Variants in TMTC2 observed in about 807,000 individuals in gnomAD.
TMTC2 encodes the protein protein O-mannosyl-transferase TMTC2.
In TMTC2, 43 loss-of-function variants were observed where a neutral mutation model predicts 82.4. The ratio of observed to expected loss-of-function variants is 0.52; its 90% CI spans 0.41 to 0.67. The LOEUF is 0.67. Among genes scored for constraint, TMTC2 ranks in the 30% least tolerant of loss-of-function variants. TMTC2 has a pLI of 0.00. For missense variants in TMTC2, 919 were observed against 1,012.4 expected (o/e 0.91, Z 1.25); for synonymous variants, 408 against 381.9 (o/e 1.07, Z -0.80).
chr12:82,919,815 T>C (rs531992208), intron 3 of TMTC2, among the ~76,000 whole-genome samples: 4 of 152,302 alleles, frequency 2.6e-5, no homozygotes, highest in Non-Finnish European at 4.4e-5. Context: ...GATATAGGGG[T>C]TGGGCTCTCA....
intron 2 of TMTC2, among the ~76,000 whole-genome samples, chr12:82,882,125 A>G (rs1005350437): frequency 2.8e-5 from 4 of 142,868 alleles, no homozygotes; most frequent in East Asian, 2.0e-4. Flanking sequence ...TCAGCCTCCC[A>G]AGTAGCTGGG....
chr12:83,087,804 C>CA (rs1883712452), intron 11 of TMTC2, among the ~76,000 whole-genome samples: 1 of 141,630 alleles, frequency 7.1e-6, no homozygotes, highest in African/African-American at 2.9e-5. Flanking sequence ...ATTTATAGAG[C>CA]ACAAGAGGAG....
At chr12:83,066,937 G>A (rs1464242856) in intron 11 of TMTC2, among the ~76,000 whole-genome samples, 1 of 151,916 alleles carries the variant, frequency 6.6e-6, no homozygotes, top group African/African-American at 2.4e-5. Context: ...GAAGGAGTTA[G>A]AAGAAAGGCC....
chr12:82,991,629 A>G (rs971687690), intron 8 of TMTC2, among the ~76,000 whole-genome samples: 2 of 152,214 alleles, frequency 1.3e-5, no homozygotes, highest in African/African-American at 4.8e-5. Context: ...GAAATTTCAT[A>G]CCAATGTCAT....
Position 82,687,141 on chromosome 12 carries a change from T to C in TMTC2, c.-446T>C, listed in dbSNP as rs1872344080. On this transcript the variant is annotated 5_prime_UTR_variant, in exon 1 of 12. Transcript: ENST00000321196. ...CCCACCCGCGCCTCTTTCTCTCTCT[T>C]CCTCCAGCTGGTCCCAGAGCCCGGC... 2 of 170,168 alleles carry C rather than the reference T, an allele frequency of 1.2e-5. No homozygotes were observed. The allele number at this position is 170,168 out of a possible 1,614,324, so 10.5% of individuals were successfully genotyped here.
chr12:82,899,615 T>C (rs1333570643), intron 3 of TMTC2, among the ~76,000 whole-genome samples: 3 of 134,382 alleles, frequency 2.2e-5, no homozygotes, highest in Non-Finnish European at 1.5e-5. Context: ...AATATATATA[T>C]ATAAGAATAT....
chr12:82,783,456 G>GAT (rs1256544221), intron 1 of TMTC2, among the ~76,000 whole-genome samples: 1 of 151,982 alleles, frequency 6.6e-6, no homozygotes, highest in Admixed American at 6.6e-5. Context: ...CCATTGATCT[G>GAT]ACACTAGGAT....
At chr12:82,908,747 A>G (rs1257849456) in intron 3 of TMTC2, among the ~76,000 whole-genome samples, 1 of 152,132 alleles carries the variant, frequency 6.6e-6, no homozygotes, top group Non-Finnish European at 1.5e-5. Flanking sequence ...CTTCTATATT[A>G]GGTAGAATTT....
intron 4 of TMTC2, among the ~76,000 whole-genome samples, chr12:82,948,538 A>G (rs1250434696): frequency 1.3e-5 from 2 of 152,204 alleles, no homozygotes; most frequent in South Asian, 4.1e-4. Context: ...CTTATTTTTA[A>G]CTTAGAAACT....
chr12:82,750,964 C>A (rs61929532), intron 1 of TMTC2, among the ~76,000 whole-genome samples: 1 of 152,276 alleles, frequency 6.6e-6, no homozygotes, highest in East Asian at 1.9e-4. Flanking sequence ...CTGGGAATTA[C>A]ACCCAGGCAA....
At chr12:82,738,009 T>G (rs1378003360) in intron 1 of TMTC2, among the ~76,000 whole-genome samples, 2 of 152,156 alleles carry the variant, frequency 1.3e-5, no homozygotes, top group Non-Finnish European at 1.5e-5. Flanking sequence ...CTAAATTCTC[T>G]CTCAACTTTC....
At chr12:82,786,025 G>C (rs1380023486) in intron 1 of TMTC2, among the ~76,000 whole-genome samples, 2 of 152,038 alleles carry the variant, frequency 1.3e-5, no homozygotes, top group East Asian at 3.9e-4. Flanking sequence ...TCTTTTAAGT[G>C]TTTTTCATTG....
chr12:82,691,898 C>G (rs1430673221), intron 1 of TMTC2, among the ~76,000 whole-genome samples: 2 of 152,196 alleles, frequency 1.3e-5, no homozygotes, highest in Non-Finnish European at 2.9e-5. Flanking sequence ...TATGGTCTTA[C>G]TCTTCAGTTT....
At chr12:82,890,298 A>AT (rs1172297956) in intron 2 of TMTC2, among the ~76,000 whole-genome samples, 3 of 151,476 alleles carry the variant, frequency 2.0e-5, no homozygotes, top group South Asian at 2.1e-4. Context: ...TATTTAAGAC[A>AT]TTTTTTCTCC....
intron 3 of TMTC2, among the ~76,000 whole-genome samples, chr12:82,927,892 A>G (rs1006570182): frequency 8.5e-5 from 13 of 152,204 alleles, no homozygotes; most frequent in Non-Finnish European, 1.5e-4. Flanking sequence ...CTTATTAGAC[A>G]ACATTATTGT....
intron 1 of TMTC2, among the ~76,000 whole-genome samples, chr12:82,744,440 G>A (rs1177559438): frequency 6.6e-6 from 1 of 152,092 alleles, no homozygotes; most frequent in East Asian, 1.9e-4. Context: ...ACATTAGCTG[G>A]GCATGGTGGC....
Position 82,957,361 on chromosome 12 carries a change from G to A in TMTC2, c.1599-7663G>A, listed in dbSNP as rs1277499551. ...GAAAACAAAGATGCAACATACTAAA[G>A]TCTCTGGGATACAGCAAAAGCCGTG... On this transcript the variant is annotated intron_variant, in intron 4 of 11. Transcript: ENST00000321196. 7.2e-5 allele frequency among the ~76,000 whole-genome samples: 11 copies of A among 152,210 alleles called. No individual in the cohort carries two copies. In the South Asian group the frequency reaches 1.0e-3, roughly 14 times the overall value.
intron 9 of TMTC2, among the ~76,000 whole-genome samples, chr12:83,032,935 ATTC>A (rs891470322): frequency 2.6e-5 from 4 of 152,160 alleles, no homozygotes; most frequent in Admixed American, 6.5e-5. Context: ...GTAAAAACCA[ATTC>A]TTCTTAGAAC....
At chr12:82,971,736 G>A (rs1316794593) in intron 7 of TMTC2, among the ~76,000 whole-genome samples, 2 of 151,698 alleles carry the variant, frequency 1.3e-5, no homozygotes, top group Non-Finnish European at 2.9e-5. Flanking sequence ...TGTATTATAC[G>A]GAGTAAGAGA....
Sources: gnomAD v4.1 joint callset for allele counts (sites outside exome capture counted in the v4.1 genomes callset) on GRCh38, gnomAD v4.1.1 for gene constraint, MANE v1.5 for transcripts, NCBI Gene and HGNC (gene_info 2026-07-23, HGNC 2026-07-21) for gene names.